Variants in GALNTL6 observed in about 807,000 individuals in gnomAD.
The protein encoded by GALNTL6 is polypeptide N-acetylgalactosaminyltransferase-like 6.
GALNTL6 carries 46 observed loss-of-function variants against 73.7 expected under a neutral mutation model. That is an observed-to-expected ratio of 0.62 (90% CI 0.49 to 0.80). GALNTL6 has a LOEUF of 0.80. Ranked by LOEUF, GALNTL6 falls within the 30% of genes least tolerant of loss-of-function variation. The probability of loss-of-function intolerance (pLI) is 0.00; values close to 1 mark genes in which losing one functional copy is unlikely to be tolerated. For synonymous variants in GALNTL6, 259 were observed against 263.7 expected, an observed-to-expected ratio of 0.98 and a Z score of 0.17; for missense variants, 604 against 755.0, an observed-to-expected ratio of 0.80 and a Z score of 2.34.
intron 4 of GALNTL6, among the ~76,000 whole-genome samples, chr4:172,345,248 T>C (rs192454643): frequency 4.6e-5 from 7 of 152,274 alleles, no homozygotes; most frequent in Admixed American, 3.3e-4. Context: ...TTCCAATATT[T>C]GATACATAAT....
chr4:172,875,480 G>A (rs1333809464), intron 7 of GALNTL6, among the ~76,000 whole-genome samples: 1 of 152,068 alleles, frequency 6.6e-6, no homozygotes, highest in East Asian at 1.9e-4. Context: ...AAGAAAATAA[G>A]CCATCATATT....
intron 2 of GALNTL6, among the ~76,000 whole-genome samples, chr4:172,117,402 C>T (rs1733016767): frequency 6.6e-6 from 1 of 152,100 alleles, no homozygotes; most frequent in East Asian, 1.9e-4. Context: ...ATGTGACAGG[C>T]ACGCTTATAA....
intron 3 of GALNTL6, among the ~76,000 whole-genome samples, chr4:172,257,631 A>G (rs1315317618): frequency 6.6e-6 from 1 of 151,420 alleles, no homozygotes; most frequent in Non-Finnish European, 1.5e-5. Flanking sequence ...GCATTTCAGC[A>G]GAAATACTTG....
intron 10 of GALNTL6, among the ~76,000 whole-genome samples, chr4:172,979,844 G>A (rs1157137480): frequency 6.6e-6 from 1 of 152,036 alleles, no homozygotes; most frequent in Non-Finnish European, 1.5e-5. Flanking sequence ...GGAATAGAGG[G>A]GTAAAATAAA....
At chr4:172,739,020 G>T (rs1736637278) in intron 5 of GALNTL6, among the ~76,000 whole-genome samples, 1 of 152,130 alleles carries the variant, frequency 6.6e-6, no homozygotes, top group Admixed American at 6.6e-5. Context: ...AATTGTAAAT[G>T]TTTCTTATCA....
At chr4:172,292,290 T>C (rs1739503318) in intron 3 of GALNTL6, among the ~76,000 whole-genome samples, 1 of 152,020 alleles carries the variant, frequency 6.6e-6, no homozygotes, top group Non-Finnish European at 1.5e-5. Context: ...AAAAACTTCC[T>C]GACATCTGCA....
intron 5 of GALNTL6, among the ~76,000 whole-genome samples, chr4:172,485,315 C>T (rs959228801): frequency 1.8e-4 from 27 of 151,890 alleles, no homozygotes; most frequent in Admixed American, 1.1e-3. Context: ...ATAAACAGTT[C>T]AATTTTGTGA....
intron 5 of GALNTL6, among the ~76,000 whole-genome samples, chr4:172,802,092 G>A (rs956528722): frequency 2.0e-5 from 3 of 149,252 alleles, no homozygotes; most frequent in East Asian, 4.0e-4. Context: ...ATTTCCCATC[G>A]TTTGGATTTT....
Position 172,760,297 on chromosome 4 carries a change from G to C in GALNTL6, c.554-49064G>C, listed in dbSNP as rs556821302. On this transcript the variant is annotated intron_variant, in intron 5 of 12. Transcript: ENST00000506823. Reference sequence around the variant, plus strand: ...TGGGTCTCAGCTTTAGGATCACCCTGTTATGTACAGGAGGCTGCTACAAAA... The same window carrying C: ...TGGGTCTCAGCTTTAGGATCACCCTCTTATGTACAGGAGGCTGCTACAAAA... Among the ~76,000 whole-genome samples, 63 of 152,254 alleles carry C rather than the reference G, an allele frequency of 4.1e-4. 1 individual carries two copies. The highest frequency in any genetic ancestry group is 1.5e-3 in the African/African-American group (61 of 41,548).
chr4:172,876,022 T>C (rs1438434368), intron 7 of GALNTL6, among the ~76,000 whole-genome samples: 3 of 152,166 alleles, frequency 2.0e-5, no homozygotes, highest in Non-Finnish European at 4.4e-5. Flanking sequence ...AACAACTTAA[T>C]TGAAACATCA....
At chr4:172,814,779 T>C (rs1741507062) in intron 7 of GALNTL6, among the ~76,000 whole-genome samples, 1 of 152,104 alleles carries the variant, frequency 6.6e-6, no homozygotes, top group Non-Finnish European at 1.5e-5. Flanking sequence ...ACACTTCTAG[T>C]CTTTAGAAAA....
chr4:172,385,567 C>A (rs375702794), intron 5 of GALNTL6, among the ~76,000 whole-genome samples: 3 of 151,824 alleles, frequency 2.0e-5, no homozygotes, highest in Non-Finnish European at 4.4e-5. Flanking sequence ...GTTTTACAAT[C>A]TATTTTTTAA....
chr4:172,709,016 T>G (rs1227993819), intron 5 of GALNTL6, among the ~76,000 whole-genome samples: 1 of 152,206 alleles, frequency 6.6e-6, no homozygotes, highest in Non-Finnish European at 1.5e-5. Context: ...AACAATTTTT[T>G]CTATATTGTT....
chr4:172,820,261 T>C (rs1741847940), intron 7 of GALNTL6, among the ~76,000 whole-genome samples: 1 of 150,936 alleles, frequency 6.6e-6, no homozygotes, highest in African/African-American at 2.5e-5. Context: ...AGGATCAACT[T>C]ACTTGATGCC....
At chr4:172,421,943 AAAGT>A (rs1731064177) in intron 5 of GALNTL6, among the ~76,000 whole-genome samples, 1 of 88,424 alleles carries the variant, frequency 1.1e-5, no homozygotes, top group South Asian at 6.3e-4. Flanking sequence ...TAGCTGTGTG[AAAGT>A]GTGTTTTTAA....
At chr4:172,606,202 C>T (rs531511674) in intron 5 of GALNTL6, among the ~76,000 whole-genome samples, 7 of 152,026 alleles carry the variant, frequency 4.6e-5, no homozygotes, top group Non-Finnish European at 1.0e-4. Flanking sequence ...GAAATTAATA[C>T]AATTTTAAGG....
chr4:171,848,218 GGAATTTTATTTTCTGA>G (rs1735425584), intron 2 of GALNTL6, among the ~76,000 whole-genome samples: 2 of 152,126 alleles, frequency 1.3e-5, no homozygotes, highest in Admixed American at 6.5e-5. Context: ...TATTTTGAAA[GGAATTTTATTTTCTGA>G]GAATTTTATT....
chr4:172,773,434 A>C (rs2110871742), intron 5 of GALNTL6, among the ~76,000 whole-genome samples: 1 of 152,302 alleles, frequency 6.6e-6, no homozygotes, highest in South Asian at 2.1e-4. Flanking sequence ...TTTTGCCAAA[A>C]ATTATGCAGA....
rs114886879 is a variant in GALNTL6 at position 172,113,131 on chromosome 4, G to C, written c.139-116525G>C. 6.3e-3 allele frequency among the ~76,000 whole-genome samples: 955 copies of C among 151,442 alleles called. 12 individuals carry two copies. Among genetic ancestry groups the C allele is most frequent in the African/African-American group, 0.021 (879 of 41,340 alleles). ...TTTTAGAATGTCTTTTGTTTTATTTGAGTAATAGTGGATCTGTTATGCACT... is the reference window on the plus strand; with the variant it reads ...TTTTAGAATGTCTTTTGTTTTATTTCAGTAATAGTGGATCTGTTATGCACT... On this transcript the variant is annotated intron_variant, in intron 2 of 12. Coordinates refer to ENST00000506823, the MANE Select transcript of GALNTL6 (RefSeq NM_001034845.3).
Sources: allele counts gnomAD v4.1 joint callset (sites outside exome capture counted in the v4.1 genomes callset), GRCh38; gene constraint gnomAD v4.1.1; transcripts MANE v1.5; gene names NCBI Gene and HGNC (gene_info 2026-07-23, HGNC 2026-07-21).